The following LY6K variants were observed in gnomAD, a reference collection of about 807,000 sequenced individuals.
LY6K encodes the protein lymphocyte antigen 6 family member K.
LY6K carries 9 observed loss-of-function variants against 10.4 expected under a neutral mutation model. That is an observed-to-expected ratio of 0.87 (90% confidence interval 0.52 to 1.52). The LOEUF (loss-of-function observed/expected upper bound fraction) is 1.52, where lower values mean the gene tolerates loss of function less well. Among genes scored for constraint, LY6K ranks in the 40% most tolerant of loss-of-function variants. The pLI, the probability that LY6K is intolerant of heterozygous loss-of-function variation, is 0.00. For synonymous variants in LY6K, 98 were observed against 83.7 expected (o/e 1.17, Z -0.94); for missense variants, 217 against 211.7 (o/e 1.02, Z -0.15).
At position 142,700,565 on chromosome 8, in the gene LY6K, C is replaced by T. The variant is rs782773778; in HGVS notation, c.38C>T (p.Pro13Leu). 1.9e-6 allele frequency: 3 copies of T among 1,588,572 alleles called. No homozygotes were observed. Among genetic ancestry groups the T allele is most frequent in the Middle Eastern group, 1.7e-4 (1 of 5,996 alleles). The part of the protein sequence containing the change: ...LLALLLVVAL[P>L]RVWTDANLTA... ...GCCTTGCTGCTGGTCGTGGCCCTAC[C>T]GCGGGTGTGGACAGACGCCAACCTG... The change falls in exon 1 of 3, where the codon CCG (proline) becomes CTG (leucine). Residue 13 changes from proline (P) to leucine (L), a missense_variant. Physicochemically the swap from Pro to Leu is moderately conservative, Grantham distance 98 (BLOSUM62 -3). Coordinates refer to ENST00000292430, the MANE Select transcript of LY6K (RefSeq NM_017527.4).
At chr8:142,701,822 C>CT (rs34979640) in intron 2 of LY6K, 109 bp downstream of exon 2, 11,465 of 591,602 alleles carry the variant, frequency 0.019, 66 homozygotes, top group African/African-American at 0.054. Flanking sequence ...AGAAAGTAGC[C>CT]TTTTTTTTTT....
In LY6K at chr8:142,700,504, C is replaced by G. The variant is rs781866149; in HGVS notation, c.-24C>G. The G allele has an allele frequency of 1.9e-6, 3 of 1,560,686 alleles. No homozygotes were observed. Among genetic ancestry groups the G allele is most frequent in the Non-Finnish European group, 2.6e-6 (3 of 1,156,292 alleles). ...CGGGGAGGGGGCGCCGCGCGCTGACCCTCCCTGGGCACCGCTGGGGACGAT... is the reference window on the plus strand; with the variant it reads ...CGGGGAGGGGGCGCCGCGCGCTGACGCTCCCTGGGCACCGCTGGGGACGAT... On this transcript the variant is annotated 5_prime_UTR_variant, in exon 1 of 3. Coordinates refer to ENST00000292430, the MANE Select transcript of LY6K (RefSeq NM_017527.4).
intron 2 of LY6K, 130 bp from the exon 3 acceptor site, chr8:142,702,961 T>G: frequency 1.3e-6 from 2 of 1,554,024 alleles, no homozygotes; most frequent in South Asian, 2.4e-5. Context: ...GACTCCCCCT[T>G]GGTGCCCCAG....
At chr8:142,701,575 C>T in intron 1 of LY6K, 25 bp from the exon 2 acceptor site, 2 of 1,492,038 alleles carry the variant, frequency 1.3e-6, no homozygotes, top group Non-Finnish European at 1.9e-6. Context: ...GAACATTCTG[C>T]TTTCTTTTTT....
chr8:142,703,185 G>A lies in LY6K; in HGVS notation c.312G>A (p.Leu104=). The part of the protein sequence containing the change: ...RPKPEEKRFL[L]EEPMPFFYLK... ...AGCCAGAGGAGAAGCGGTTTCTCCT[G>A]GAAGAGCCCATGCCCTTCTTTTACC... Residue 104 remains leucine (L), a synonymous_variant, in exon 3 of 3, where the codon CTG becomes CTA. Coordinates refer to ENST00000292430, the MANE Select transcript of LY6K (RefSeq NM_017527.4). The A allele has an allele frequency of 6.2e-7, 1 of 1,614,238 alleles. No individual in the cohort carries two copies. The highest frequency in any genetic ancestry group is 8.5e-7 in the Non-Finnish European group (1 of 1,180,042).
intron 2 of LY6K, chr8:142,702,615 A>G (rs1448859656): frequency 1.5e-5 from 23 of 1,534,850 alleles, no homozygotes; most frequent in Non-Finnish European, 1.8e-5. Context: ...TGTGGCCCAC[A>G]TCGACTTTAT....
At chr8:142,700,746 GC>G in intron 1 of LY6K, 116 bp downstream of exon 1, 4 of 1,097,384 alleles carry the variant, frequency 3.6e-6, no homozygotes, top group Non-Finnish European at 4.8e-6. Context: ...CGTTCAGGCG[GC>G]CCGTGGCGCC....
At chr8:142,702,380 G>T (rs868989414) in intron 2 of LY6K, 5 of 924,800 alleles carry the variant, frequency 5.4e-6, no homozygotes, top group Non-Finnish European at 8.3e-6. Flanking sequence ...TCAAAGGAGG[G>T]TGCATGCCTT....
rs781887609 is a variant in LY6K at position 142,703,170 on chromosome 8, G to C, written c.297G>C (p.Glu99Asp). The change falls in exon 3 of 3, where the codon GAG becomes GAC. Residue 99 changes from glutamate (E) to aspartate (D), a missense_variant. Coordinates refer to ENST00000292430, the MANE Select transcript of LY6K (RefSeq NM_017527.4). ...CGATGGAGAGACCCAAGCCAGAGGA[G>C]AAGCGGTTTCTCCTGGAAGAGCCCA... ...CAAMERPKPE[E>D]KRFLLEEPMP... The C allele has an allele frequency of 6.2e-7, 1 of 1,614,252 alleles. No individual in the cohort carries two copies. Among genetic ancestry groups the C allele is most frequent in the East Asian group, 2.2e-5 (1 of 44,886 alleles).
chr8:142,703,143 A>G lies in LY6K; in HGVS notation c.270A>G (p.Ala90=), dbSNP rs369405589. 129 of 1,614,110 alleles carry G rather than the reference A, an allele frequency of 8.0e-5. No individual in the cohort carries two copies. The highest frequency in any genetic ancestry group is 1.0e-4 in the Non-Finnish European group (123 of 1,180,052). ...CGAAGCAGTGCTCCGCTGGTTGTGC[A>G]GCGATGGAGAGACCCAAGCCAGAGG... ...MVAKQCSAGC[A]AMERPKPEEK... The change falls in exon 3 of 3, where the codon GCA becomes GCG. Residue 90 remains alanine (A), a synonymous_variant. Coordinates refer to ENST00000292430, the MANE Select transcript of LY6K (RefSeq NM_017527.4).
intron 2 of LY6K, chr8:142,702,769 T>A: frequency 2.0e-6 from 3 of 1,482,378 alleles, no homozygotes; most frequent in Non-Finnish European, 2.7e-6. Context: ...CTGGGAGTCA[T>A]GTGTCTGTCT....
intron 2 of LY6K, chr8:142,702,533 C>T: frequency 2.6e-6 from 4 of 1,535,714 alleles, no homozygotes; most frequent in Non-Finnish European, 3.5e-6. Flanking sequence ...TCTGATTCCG[C>T]CCAGCAGTCA....
At position 142,700,655 on chromosome 8, in the gene LY6K, C is replaced by T. The variant is rs1316828798; in HGVS notation, c.103+25C>T. On this transcript the variant is annotated intron_variant, in intron 1 of 2. Coordinates refer to ENST00000292430, the MANE Select transcript of LY6K (RefSeq NM_017527.4). ...GGTGAGCCTGGCTCGCCCTCCACAG[C>T]CACGGGCCGAGAGGACAGGGCCGGG... 12 of 1,476,292 alleles carry T rather than the reference C, an allele frequency of 8.1e-6. No individual in the cohort carries two copies. In the Admixed American group the frequency reaches 9.2e-5, roughly 11 times the overall value. 91.4% of individuals were successfully genotyped at this position (1,476,292 alleles called of 1,614,324 possible).
chr8:142,700,497 C>T lies in LY6K; in HGVS notation c.-31C>T, dbSNP rs1290500736. 5 of 1,553,748 alleles carry T rather than the reference C, an allele frequency of 3.2e-6. No individual in the cohort carries two copies. The South Asian group carries it at 3.6e-5, about 11-fold the overall frequency. ...AGAAGGGCGGGGAGGGGGCGCCGCGCGCTGACCCTCCCTGGGCACCGCTGG... is the reference window on the plus strand; with the variant it reads ...AGAAGGGCGGGGAGGGGGCGCCGCGTGCTGACCCTCCCTGGGCACCGCTGG... On this transcript the variant is annotated 5_prime_UTR_variant, in exon 1 of 3. Coordinates refer to ENST00000292430, the MANE Select transcript of LY6K (RefSeq NM_017527.4).
chr8:142,702,334 G>A, intron 2 of LY6K: 1 of 620,580 alleles, frequency 1.6e-6, no homozygotes, highest in South Asian at 2.0e-5. Context: ...TACAAGAGAT[G>A]CACAAAACCA....
chr8:142,703,028 G>A (rs782127393), intron 2 of LY6K, 63 bp from the exon 3 acceptor site: 5 of 1,598,370 alleles, frequency 3.1e-6, no homozygotes, highest in East Asian at 4.5e-5. Flanking sequence ...CCAGACAGAA[G>A]GGCCTCGGTG....
intron 2 of LY6K, chr8:142,702,689 A>AC: frequency 6.6e-7 from 1 of 1,509,912 alleles, no homozygotes; most frequent in African/African-American, 1.4e-5. Flanking sequence ...ATGAGACAAG[A>AC]CCCCCAGCTC....
intron 1 of LY6K, among the ~76,000 whole-genome samples, chr8:142,701,038 G>GGGGACC (rs1815004419): frequency 4.7e-5 from 7 of 148,592 alleles, no homozygotes; most frequent in Admixed American, 4.6e-4. Flanking sequence ...TGGGAGGTGG[G>GGGGACC]TGGACCTGGG....
In LY6K at chr8:142,700,621, C is replaced by A; in HGVS notation, c.94C>A (p.Gln32Lys). The change falls in exon 1 of 3, where the codon CAG (glutamine) becomes AAG (lysine). Residue 32 changes from glutamine to lysine, a missense_variant. Physicochemically the swap from Gln to Lys is moderately conservative, Grantham distance 53 (BLOSUM62 1). Coordinates refer to ENST00000292430, the MANE Select transcript of LY6K (RefSeq NM_017527.4). Reference protein sequence around the residue: ...TARQRDPEDSQRTDEGDNRVW... With the variant: ...TARQRDPEDSKRTDEGDNRVW... ...GAGACAACGAGATCCAGAGGACTCC[C>A]AGCGAACGGGTGAGCCTGGCTCGCC... 1.9e-6 allele frequency: 3 copies of A among 1,557,470 alleles called. No individual in the cohort carries two copies. The highest frequency in any genetic ancestry group is 2.6e-6 in the Non-Finnish European group (3 of 1,153,762).
Sources: gnomAD v4.1 joint callset for allele counts (sites outside exome capture counted in the v4.1 genomes callset) on GRCh38, gnomAD v4.1.1 for gene constraint, MANE v1.5 for transcripts, NCBI Gene and HGNC (gene_info 2026-07-23, HGNC 2026-07-21) for gene names.